OR1J2: variants seen among roughly 807,000 people sequenced by gnomAD.
The protein encoded by OR1J2 is olfactory receptor family 1 subfamily J member 2, also known as olfactory receptor 1J2.
For synonymous variants in OR1J2, 142 were observed against 99.7 expected, an observed-to-expected ratio of 1.42 and a Z score of -2.52; for missense variants, 304 against 246.1, an observed-to-expected ratio of 1.24 and a Z score of -1.57.
chr9:122,534,838 C>T, the OR1J2 span, among the ~76,000 whole-genome samples: 1 of 152,106 alleles, frequency 6.6e-6, no homozygotes, highest in African/African-American at 2.4e-5. Context: ...GGACGTCAGG[C>T]ACCTCAGACC....
the OR1J2 span, among the ~76,000 whole-genome samples, chr9:122,566,928 A>G: frequency 0.018 from 2,810 of 152,234 alleles, 82 homozygotes; most frequent in African/African-American, 0.064. Flanking sequence ...GACCATTAGC[A>G]TTTTTAAATT....
At chr9:122,524,446 C>T in the OR1J2 span, among the ~76,000 whole-genome samples, 1 of 152,140 alleles carries the variant, frequency 6.6e-6, no homozygotes, top group Non-Finnish European at 1.5e-5. Flanking sequence ...TGGCTGGAAT[C>T]GAGGAATGTT....
At chr9:122,542,027 A>C in the OR1J2 span, among the ~76,000 whole-genome samples, 1 of 152,172 alleles carries the variant, frequency 6.6e-6, no homozygotes, top group Non-Finnish European at 1.5e-5. Flanking sequence ...TTTGTGATTC[A>C]TATCACTATA....
At chr9:122,561,801 G>A in the OR1J2 span, among the ~76,000 whole-genome samples, 1 of 152,176 alleles carries the variant, frequency 6.6e-6, no homozygotes, top group Non-Finnish European at 1.5e-5. Flanking sequence ...CTGTTGCAGG[G>A]TCTCACCCAG....
At chr9:122,514,807 G>A (rs1342669738), downstream of OR1J2, among the ~76,000 whole-genome samples, 1 of 152,050 alleles carries the variant, frequency 6.6e-6, no homozygotes, top group Non-Finnish European at 1.5e-5. Context: ...ATCTCTTTTT[G>A]GACTTAAATT....
At chr9:122,465,628 A>G in the OR1J2 span, among the ~76,000 whole-genome samples, 1 of 152,326 alleles carries the variant, frequency 6.6e-6, no homozygotes, top group South Asian at 2.1e-4. Context: ...TGAATGGGAA[A>G]CATACTTTAA....
chr9:122,579,618 A>G, the OR1J2 span, among the ~76,000 whole-genome samples: 1 of 152,140 alleles, frequency 6.6e-6, no homozygotes, highest in East Asian at 1.9e-4. Flanking sequence ...TTAATTAGAT[A>G]TTAGTTGTGA....
the OR1J2 span, chr9:122,526,273 G>C: frequency 1.5e-6 from 1 of 679,244 alleles, no homozygotes; most frequent in Middle Eastern, 2.5e-4. Flanking sequence ...CAATCTTATG[G>C]CTAGTGTGTG....
the OR1J2 span, chr9:122,526,518 C>T: frequency 1.3e-6 from 2 of 1,596,750 alleles, no homozygotes; most frequent in Non-Finnish European, 1.7e-6. Flanking sequence ...GGAGGGAGGA[C>T]ACAGGTAGGC....
At chr9:122,567,527 A>G in the OR1J2 span, 1 of 1,516,148 alleles carries the variant, frequency 6.6e-7, no homozygotes, top group Non-Finnish European at 8.9e-7. Flanking sequence ...TCCACTTACG[A>G]GTTTTTCAAG....
chr9:122,527,296 C>T, the OR1J2 span: 4 of 1,587,944 alleles, frequency 2.5e-6, no homozygotes, highest in African/African-American at 5.4e-5. Context: ...TTTTCCATGA[C>T]TCTGCAGCAT....
chr9:122,531,666 C>T, the OR1J2 span, among the ~76,000 whole-genome samples: 27 of 152,244 alleles, frequency 1.8e-4, no homozygotes, highest in East Asian at 5.2e-3. Context: ...TTTAAAAGAC[C>T]ATTAGTCTGT....
At chr9:122,508,857 TG>T (rs980006176), upstream of OR1J2, among the ~76,000 whole-genome samples, 1 of 152,208 alleles carries the variant, frequency 6.6e-6, no homozygotes, top group African/African-American at 2.4e-5. Context: ...AAGTCTAAAA[TG>T]GGTATCAGTG....
At chr9:122,526,323 C>CCG in the OR1J2 span, 1 of 1,339,974 alleles carries the variant, frequency 7.5e-7, no homozygotes, top group African/African-American at 1.5e-5. Context: ...GACTCCAAGC[C>CCG]TATGTCTTTT....
the OR1J2 span, among the ~76,000 whole-genome samples, chr9:122,484,091 T>G: frequency 1.3e-5 from 2 of 152,282 alleles, no homozygotes; most frequent in Non-Finnish European, 2.9e-5. Flanking sequence ...TTTTTCTCCA[T>G]CAATTTCCAA....
At chr9:122,568,706 A>G in the OR1J2 span, 1 of 416,616 alleles carries the variant, frequency 2.4e-6, no homozygotes, top group Admixed American at 4.0e-5. Context: ...GGACAGAGGG[A>G]GAGTTTTCCT....
the OR1J2 span, chr9:122,567,974 G>A: frequency 5.6e-6 from 9 of 1,614,172 alleles, no homozygotes; most frequent in Admixed American, 1.0e-4. Flanking sequence ...AGTCACAGAA[G>A]GTGAGACGAT....
chr9:122,548,511 G>A, the OR1J2 span, among the ~76,000 whole-genome samples: 17 of 152,030 alleles, frequency 1.1e-4, no homozygotes, highest in Non-Finnish European at 2.4e-4. Context: ...TTATGCCAAA[G>A]TGACTCATTA....
the OR1J2 span, among the ~76,000 whole-genome samples, chr9:122,498,353 T>C: frequency 6.6e-6 from 1 of 152,206 alleles, no homozygotes; most frequent in Non-Finnish European, 1.5e-5. Flanking sequence ...TTCTTCATTT[T>C]TATTAGACTA....
Sources: allele counts gnomAD v4.1 joint callset (sites outside exome capture counted in the v4.1 genomes callset), GRCh38; gene constraint gnomAD v4.1.1; transcripts MANE v1.5; gene names NCBI Gene and HGNC (gene_info 2026-07-23, HGNC 2026-07-21).